Variants in MED13L observed in about 807,000 individuals in gnomAD.
The protein encoded by MED13L is mediator of RNA polymerase II transcription subunit 13-like.
A neutral mutation model predicts 220.9 loss-of-function variants in MED13L; 7 were observed. The ratio of observed to expected loss-of-function variants is 0.03; its 90% CI spans 0.02 to 0.06. The LOEUF is 0.06. MED13L is among the 10% of genes least tolerant of loss of function. The pLI is 1.00. For synonymous variants in MED13L, 1,011 were observed against 1,015.2 expected (o/e 1.00, Z 0.08); for missense variants, 1,965 against 2,760.5 (o/e 0.71, Z 6.46).
At chr12:115,979,457 A>C (rs1877178462) in intron 23 of MED13L, among the ~76,000 whole-genome samples, 2 of 152,244 alleles carry the variant, frequency 1.3e-5, no homozygotes, top group Admixed American at 1.3e-4. Context: ...ATTCAAACTC[A>C]AAGAATAAAC....
chr12:116,059,259 T>C (rs1366423884), intron 4 of MED13L, among the ~76,000 whole-genome samples: 3 of 152,050 alleles, frequency 2.0e-5, no homozygotes, highest in East Asian at 1.9e-4. Flanking sequence ...GGGGTCTCAT[T>C]GTGTTGCTCA....
At chr12:115,962,052 ATT>A (rs1875800358) in intron 30 of MED13L, among the ~76,000 whole-genome samples, 1 of 152,242 alleles carries the variant, frequency 6.6e-6, no homozygotes, top group Non-Finnish European at 1.5e-5. Flanking sequence ...TTGAAATAAC[ATT>A]TTGAGTATAT....
intron 2 of MED13L, among the ~76,000 whole-genome samples, chr12:116,156,038 CTA>C (rs1878399405): frequency 6.6e-6 from 1 of 152,092 alleles, no homozygotes; most frequent in South Asian, 2.1e-4. Context: ...TTTCACGTTT[CTA>C]TAGACAATTC....
At chr12:116,080,665 C>T (rs1000508284) in intron 4 of MED13L, among the ~76,000 whole-genome samples, 16 of 152,086 alleles carry the variant, frequency 1.1e-4, no homozygotes, top group South Asian at 2.1e-4. Context: ...ACGTTTTTTC[C>T]GTGGTAGCTG....
chr12:116,033,317 A>G (rs773310790), intron 4 of MED13L, among the ~76,000 whole-genome samples: 1 of 152,202 alleles, frequency 6.6e-6, no homozygotes, highest in Non-Finnish European at 1.5e-5. Context: ...CATCATTTTA[A>G]GTGCCCTACA....
At chr12:116,066,988 T>G (rs1345275546) in intron 4 of MED13L, among the ~76,000 whole-genome samples, 1 of 152,060 alleles carries the variant, frequency 6.6e-6, no homozygotes, top group Non-Finnish European at 1.5e-5. Context: ...AAGTAAGAGA[T>G]TTTAACAACT....
chr12:115,983,526 T>C lies in MED13L; in HGVS notation c.4546A>G (p.Thr1516Ala). Residue 1516 changes from threonine (T) to alanine (A), a missense_variant, in exon 21 of 31, where the codon ACT becomes GCT. Thr to Ala is a moderately conservative substitution (Grantham distance 58, BLOSUM62 0). Transcript: ENST00000281928. Reference protein sequence around the residue: ...CRHHLAPYLATLQLDSSLLIP... With the variant: ...CRHHLAPYLAALQLDSSLLIP... ...AATAGGCTGCTATCAAGCTGCAGAG[T>C]GGCTAAATAAGGTGCTGAAAGAATA... 2.5e-6 allele frequency: 4 copies of C among 1,614,014 alleles called. No homozygotes were observed. The highest frequency in any genetic ancestry group is 1.1e-5 in the South Asian group (1 of 91,076).
At chr12:116,085,345 T>C (rs1871555306) in intron 4 of MED13L, among the ~76,000 whole-genome samples, 1 of 152,122 alleles carries the variant, frequency 6.6e-6, no homozygotes, top group African/African-American at 2.4e-5. Context: ...TAAATAACCA[T>C]ACAAAACCAA....
chr12:115,960,923 CAG>C lies in MED13L; in HGVS notation c.*341_*342del, dbSNP rs1875715718. On this transcript the variant is annotated 3_prime_UTR_variant, in exon 31 of 31. Coordinates refer to ENST00000281928, the MANE Select transcript of MED13L (RefSeq NM_015335.5). ...CAATTGTATACAGAGGCTGAAAACA[CAG>C]ACTCTTGTGCAAAAGGACACTGTCT... 1.1e-5 allele frequency: 4 copies of C among 364,958 alleles called. No homozygotes were observed. The highest frequency in any genetic ancestry group is 7.5e-5 in the Admixed American group (2 of 26,714). 22.6% of individuals were successfully genotyped at this position (364,958 alleles called of 1,614,324 possible). A position where few individuals can be genotyped will look rare whatever the true frequency, so the allele number is the denominator to read the frequency against.
At chr12:116,044,757 C>CT (rs1440556511) in intron 4 of MED13L, among the ~76,000 whole-genome samples, 1 of 152,188 alleles carries the variant, frequency 6.6e-6, no homozygotes, top group Non-Finnish European at 1.5e-5. Context: ...TCTTCTGTTT[C>CT]TTTTTTAAGC....
Position 116,019,398 on chromosome 12 carries a change from C to T in MED13L, c.835G>A (p.Val279Ile). Residue 279 changes from valine to isoleucine, a missense_variant, in exon 7 of 31, where the codon GTT becomes ATT. By Grantham distance (29) the Val-to-Ile change is conservative. Transcript: ENST00000281928. Reference sequence around the variant, plus strand: ...ATCAAAACAAATGCTGAAGGGTAAACCATCCGAACACCACCTATAAGCAAA... The same window carrying T: ...ATCAAAACAAATGCTGAAGGGTAAATCATCCGAACACCACCTATAAGCAAA... ...VEVIVGGVRM[V>I]YPSAFVLISQ... 6.2e-7 allele frequency: 1 copy of T among 1,613,908 alleles called. No homozygotes were observed. Among genetic ancestry groups the T allele is most frequent in the Non-Finnish European group, 8.5e-7 (1 of 1,179,882 alleles).
At chr12:116,159,775 TA>T (rs1222216724) in intron 2 of MED13L, among the ~76,000 whole-genome samples, 1 of 152,234 alleles carries the variant, frequency 6.6e-6, no homozygotes, top group East Asian at 1.9e-4. Context: ...CACATCTACA[TA>T]TTTAATTCCA....
chr12:116,174,764 T>G (rs1316603519), intron 2 of MED13L: 2 of 152,198 alleles, frequency 1.3e-5, no homozygotes, highest in Non-Finnish European at 2.9e-5. Flanking sequence ...TGTGTAAACT[T>G]GCATGTATGA....
At chr12:116,218,736 ATTT>A (rs781696931) in intron 2 of MED13L, among the ~76,000 whole-genome samples, 1 of 145,764 alleles carries the variant, frequency 6.9e-6, no homozygotes, top group Non-Finnish European at 1.5e-5. Flanking sequence ...AAGCAGTAAA[ATTT>A]TTTTTTTTTT....
intron 4 of MED13L, among the ~76,000 whole-genome samples, chr12:116,092,663 T>C (rs1229664259): frequency 6.6e-6 from 1 of 152,124 alleles, no homozygotes; most frequent in African/African-American, 2.4e-5. Context: ...GTATGTTAGG[T>C]AATCTAAGAA....
chr12:116,031,756 A>AAAAGAAAAGAAAAGAAAAGAAGG (rs1566020902), intron 4 of MED13L, among the ~76,000 whole-genome samples: 1 of 21,800 alleles, frequency 4.6e-5, no homozygotes, highest in Non-Finnish European at 9.0e-5. Context: ...AAAAGAAAAG[A>AAAAGAAAAGAAAAGAAAAGAAGG]AAAGAAGGAA....
At chr12:116,131,574 T>C (rs11067918) in intron 2 of MED13L, among the ~76,000 whole-genome samples, 37,727 of 152,126 alleles carry the variant, frequency 0.25, 4,830 homozygotes, top group Middle Eastern at 0.32. Flanking sequence ...TTAACAGACG[T>C]TACGATGAAA....
At chr12:116,026,099 G>A (rs1032150994) in intron 4 of MED13L, among the ~76,000 whole-genome samples, 2 of 152,120 alleles carry the variant, frequency 1.3e-5, no homozygotes, top group Non-Finnish European at 2.9e-5. Flanking sequence ...GTTAAGAGAA[G>A]GATATAGTTT....
intron 4 of MED13L, among the ~76,000 whole-genome samples, chr12:116,070,581 C>CA (rs1173871642): frequency 6.6e-6 from 1 of 152,132 alleles, no homozygotes; most frequent in Non-Finnish European, 1.5e-5. Context: ...TTTAGCACCA[C>CA]ACTAAGGATC....
Sources: gnomAD v4.1 joint callset for allele counts (sites outside exome capture counted in the v4.1 genomes callset) on GRCh38, gnomAD v4.1.1 for gene constraint, MANE v1.5 for transcripts, NCBI Gene and HGNC (gene_info 2026-07-23, HGNC 2026-07-21) for gene names.